DHX33: variants seen among roughly 807,000 people sequenced by gnomAD.
The protein encoded by DHX33 is ATP-dependent RNA helicase DHX33.
DHX33 carries 42 observed loss-of-function variants against 72.5 expected under a neutral mutation model. That is an observed-to-expected ratio of 0.58 (90% confidence interval 0.45 to 0.75). The LOEUF is 0.75. DHX33 is among the 30% of genes least tolerant of loss of function. DHX33 has a pLI of 0.00. For synonymous variants in DHX33, 358 were observed against 366.1 expected, an observed-to-expected ratio of 0.98 and a Z score of 0.25; for missense variants, 842 against 917.5, an observed-to-expected ratio of 0.92 and a Z score of 1.06.
chr17:5,454,836 A>T (rs1193406838), intron 6 of DHX33, among the ~76,000 whole-genome samples: 1 of 152,162 alleles, frequency 6.6e-6, no homozygotes, highest in Non-Finnish European at 1.5e-5. Context: ...ATAGTTTCTG[A>T]TGACACCCTT....
chr17:5,463,226 A>G (rs751338122), intron 2 of DHX33, among the ~76,000 whole-genome samples: 3 of 152,240 alleles, frequency 2.0e-5, no homozygotes, highest in Non-Finnish European at 2.9e-5. Context: ...ATACACTGGC[A>G]TAATGCTTAC....
intron 11 of DHX33, 171 bp downstream of exon 11, chr17:5,448,638 A>G (rs1597356117): frequency 2.5e-6 from 1 of 399,010 alleles, no homozygotes; most frequent in African/African-American, 2.1e-5. Flanking sequence ...ATTAGGAAAT[A>G]GGCTAAACTA....
Position 5,443,533 on chromosome 17 carries a change from C to G in DHX33, c.*672G>C, listed in dbSNP as rs1424985693. On this transcript the variant is annotated 3_prime_UTR_variant, in exon 12 of 12. Coordinates refer to ENST00000225296, the MANE Select transcript of DHX33 (RefSeq NM_020162.4). ...TTACTGGTCTCTGCTTGGAGACAGA[C>G]ACAGAGTGGTCCACCCTGAGACACA... 1 of 152,178 alleles carries G rather than the reference C, an allele frequency of 6.6e-6. No homozygotes were observed. The allele number at this position is 152,178 out of a possible 1,614,324, so 9.4% of individuals were successfully genotyped here. A position where few individuals can be genotyped will look rare whatever the true frequency, so the allele number is the denominator to read the frequency against.
Position 5,444,069 on chromosome 17 carries a change from C to T in DHX33, c.*136G>A. The T allele has an allele frequency of 1.0e-6, 1 of 988,838 alleles. No individual in the cohort carries two copies. Among genetic ancestry groups the T allele is most frequent in the Non-Finnish European group, 1.5e-6 (1 of 684,048 alleles). The allele number at this position is 988,838 out of a possible 1,614,324, so 61.3% of individuals were successfully genotyped here. A position where few individuals can be genotyped will look rare whatever the true frequency, so the allele number is the denominator to read the frequency against. The stretch of plus-strand genomic sequence containing the variant: ...CAGTCCCAGGAGTTGAGCAAAGATG[C>T]TTTCACGCTCCTGGAAGTCAGGCAC... On this transcript the variant is annotated 3_prime_UTR_variant, in exon 12 of 12. Coordinates refer to ENST00000225296, the MANE Select transcript of DHX33 (RefSeq NM_020162.4). This position sits in a 1 kb window ranked among gnomAD's most constrained non-coding sequence, Gnocchi z 4.9.
chr17:5,448,896 C>A lies in DHX33; in HGVS notation c.1729-1G>T. ...TGACAAAATTCTCTTTGCACCAATC[C>A]TGAATAGGAGAAAGAGTGATATCAC... On this transcript the variant is annotated splice_acceptor_variant, in intron 10 of 11. Coordinates refer to ENST00000225296, the MANE Select transcript of DHX33 (RefSeq NM_020162.4). LOFTEE classifies it high-confidence loss of function. 4 of 1,611,312 alleles carry A rather than the reference C, an allele frequency of 2.5e-6. No individual in the cohort carries two copies. The highest frequency in any genetic ancestry group is 3.4e-6 in the Non-Finnish European group (4 of 1,178,108).
At chr17:5,449,499 C>T (rs991978855) in intron 10 of DHX33, among the ~76,000 whole-genome samples, 6 of 152,332 alleles carry the variant, frequency 3.9e-5, no homozygotes, top group African/African-American at 1.4e-4. Context: ...TGCAGTGGCA[C>T]GATCTCGGCT....
At chr17:5,452,461 A>G (rs1270818986) in intron 8 of DHX33, among the ~76,000 whole-genome samples, 1 of 152,092 alleles carries the variant, frequency 6.6e-6, no homozygotes, top group Non-Finnish European at 1.5e-5. Flanking sequence ...AATCACCTGA[A>G]CCCGGCAGGT....
At chr17:5,452,315 G>A (rs953638402) in intron 8 of DHX33, among the ~76,000 whole-genome samples, 6 of 152,244 alleles carry the variant, frequency 3.9e-5, no homozygotes, top group Middle Eastern at 3.4e-3. Context: ...CGAGGTGGGC[G>A]GACCACCTAG....
Position 5,450,808 on chromosome 17 carries a change from T to C in DHX33, c.1523A>G (p.Lys508Arg). 6.2e-7 allele frequency: 1 copy of C among 1,614,178 alleles called. No homozygotes were observed. The highest frequency in any genetic ancestry group is 8.5e-7 in the Non-Finnish European group (1 of 1,180,030). ...AAFPLEPKFA[K>R]TILMSPKFHC... is the part of the protein sequence containing the mutation. ...GACTGAGGAGAGGGTATCATTTACT[T>C]TGGCAAATTTGGGTTCTAAAGGAAA... The change falls in exon 9 of 12, where the codon AAA (lysine) becomes AGA (arginine). Residue 508 changes from lysine to arginine, a missense_variant and splice_region_variant. Coordinates refer to ENST00000225296, the MANE Select transcript of DHX33 (RefSeq NM_020162.4).
intron 1 of DHX33, among the ~76,000 whole-genome samples, chr17:5,468,019 C>T (rs1032463416): frequency 6.6e-6 from 1 of 152,198 alleles, no homozygotes. Context: ...ATTCCTTTGA[C>T]TAGCAGCACT....
At chr17:5,459,068 T>G (rs897953644) in intron 4 of DHX33, among the ~76,000 whole-genome samples, 1 of 151,938 alleles carries the variant, frequency 6.6e-6, no homozygotes, top group African/African-American at 2.4e-5. Context: ...GGTGTACTGG[T>G]GTGTGCCTGT....
rs796892929 is a variant in DHX33 at position 5,460,756 on chromosome 17, C to T, written c.849+183G>A. 5.9e-5 allele frequency among the ~76,000 whole-genome samples: 9 copies of T among 152,288 alleles called. 1 individual carries two copies. The highest frequency in any genetic ancestry group is 2.2e-4 in the African/African-American group (9 of 41,550). On this transcript the variant is annotated intron_variant, in intron 4 of 11. Coordinates refer to ENST00000225296, the MANE Select transcript of DHX33 (RefSeq NM_020162.4). ...TCCTGACCTCAGGTGATCCACCTGC[C>T]TCGGCCTCCCAAAGTGCAGGGATTA...
At chr17:5,450,160 A>T in intron 10 of DHX33, 43 bp downstream of exon 10, 2 of 1,608,560 alleles carry the variant, frequency 1.2e-6, no homozygotes, top group Non-Finnish European at 8.5e-7. Context: ...CATAGCAGAG[A>T]CAAGCAGCTA....
In DHX33 at chr17:5,442,661, G is replaced by C. The variant is rs1225550489; in HGVS notation, c.*1544C>G. ...CATCAGGCCACAGCTTCCAGAAAGA[G>C]AGCATCCATGATCTCTGAAGAGCCT... On this transcript the variant is annotated 3_prime_UTR_variant, in exon 12 of 12. Transcript: ENST00000225296. 6.6e-6 allele frequency: 1 copy of C among 152,190 alleles called. No individual in the cohort carries two copies. The highest frequency in any genetic ancestry group is 2.4e-5 in the African/African-American group (1 of 41,450). The allele number at this position is 152,190 out of a possible 1,614,324, so 9.4% of individuals were successfully genotyped here.
At chr17:5,452,070 C>T (rs114601832) in intron 8 of DHX33, among the ~76,000 whole-genome samples, 7,721 of 123,442 alleles carry the variant, frequency 0.063, 217 homozygotes, top group Middle Eastern at 0.11. Context: ...TGGAAGGAGG[C>T]GAGGGCAAGT....
Position 5,461,066 on chromosome 17 carries a change from TGA to T in DHX33, c.720_721del (p.Gln241ValfsTer28). ...GAGGACGGGGGCGCCATTGAAATACTGAGAGAACAGGTCCACATCCATCGTAG... is the reference window on the plus strand; with the variant it reads ...GAGGACGGGGGCGCCATTGAAATACTGAGAACAGGTCCACATCCATCGTAG... On this transcript the variant is annotated frameshift_variant, in exon 4 of 12. Transcript: ENST00000225296. LOFTEE classifies it high-confidence loss of function. The T allele has an allele frequency of 6.2e-7, 1 of 1,613,046 alleles. No individual in the cohort carries two copies. Among genetic ancestry groups the T allele is most frequent in the Non-Finnish European group, 8.5e-7 (1 of 1,179,484 alleles).
chr17:5,446,198 C>T (rs1345445111), intron 11 of DHX33, among the ~76,000 whole-genome samples: 1 of 152,230 alleles, frequency 6.6e-6, no homozygotes, highest in Non-Finnish European at 1.5e-5. Context: ...TGATTTCGAA[C>T]TCTTGGCCTC....
rs765107162 is a variant in DHX33, at chr17:5,456,062, C to A, written c.970G>T (p.Val324Phe). ...HLPDGCPAML[V>F]LPLYASLPYA... The stretch of plus-strand genomic sequence containing the variant: ...GGCAGGGAGGCGTACAGAGGAAGGA[C>A]CAGCATCGCAGGGCAGCCGTCTGGG... The change falls in exon 5 of 12, where the codon GTC (valine) becomes TTC (phenylalanine). Residue 324 changes from valine (V) to phenylalanine (F), a missense_variant. Transcript: ENST00000225296. 1.1e-5 allele frequency: 18 copies of A among 1,613,536 alleles called. No individual in the cohort carries two copies. In the African/African-American group the frequency reaches 2.4e-4, roughly 22 times the overall value.
intron 3 of DHX33, among the ~76,000 whole-genome samples, chr17:5,461,599 C>T (rs1275852679): frequency 7.7e-6 from 1 of 129,432 alleles, no homozygotes; most frequent in African/African-American, 3.6e-5. Context: ...GCCTGGGTAA[C>T]AGAGTGCAAA....
Sources: gnomAD v4.1 joint callset for allele counts (sites outside exome capture counted in the v4.1 genomes callset) on GRCh38, gnomAD v4.1.1 for gene constraint, Gnocchi (gnomAD v3.1) non-coding constraint, MANE v1.5 for transcripts, NCBI Gene and HGNC (gene_info 2026-07-23, HGNC 2026-07-21) for gene names.